The following SNAP91 variants were observed in gnomAD, a reference collection of about 807,000 sequenced individuals.
SNAP91 encodes the protein synaptosome associated protein 91, also known as clathrin coat assembly protein AP180.
Under a neutral mutation model 100.3 loss-of-function variants are expected in SNAP91, and 27 were observed. The ratio of observed to expected loss-of-function variants is 0.27; its 90% confidence interval spans 0.20 to 0.37. The LOEUF is 0.37. Among genes scored for constraint, SNAP91 ranks in the 10% least tolerant of loss-of-function variants. SNAP91 has a pLI of 1.00. For missense variants in SNAP91, 986 were observed against 1,123.7 expected, an observed-to-expected ratio of 0.88 and a Z score of 1.75; for synonymous variants, 404 against 398.6, an observed-to-expected ratio of 1.01 and a Z score of -0.16.
In SNAP91 at chr6:83,575,057, C is replaced by G. The variant is rs1294685099; in HGVS notation, c.2395G>C (p.Val799Leu). The G allele has an allele frequency of 6.2e-7, 1 of 1,605,112 alleles. No homozygotes were observed. The highest frequency in any genetic ancestry group is 1.7e-5 in the Admixed American group (1 of 58,848). Residue 799 changes from valine to leucine, a missense_variant, in exon 26 of 30, where the codon GTA (valine) becomes CTA (leucine). Val to Leu is a conservative substitution (Grantham distance 32, BLOSUM62 1). Coordinates refer to ENST00000369694, the MANE Select transcript of SNAP91 (RefSeq NM_001242792.2). ...CCTGCTGACCAGGTTGCTGGAGCTA[C>G]TTTAGGCTGCCAGTTGGCTCCACCA... ...LTGGANWQPK[V>L]APATWSAGVP...
Position 83,553,757 on chromosome 6 carries a change from A to C in SNAP91, c.*539T>G, listed in dbSNP as rs1198483343. On this transcript the variant is annotated 3_prime_UTR_variant, in exon 30 of 30. Transcript: ENST00000369694. ...AGTGCCACAAAAATAAACATTTCTC[A>C]CAACAGTTGAAGTTCCTGTGATTGG... The C allele has an allele frequency of 6.6e-6, 1 of 152,190 alleles. No homozygotes were observed. Among genetic ancestry groups the C allele is most frequent in the Non-Finnish European group, 1.5e-5 (1 of 68,034 alleles). 9.4% of individuals were successfully genotyped at this position (152,190 alleles called of 1,614,324 possible).
intron 22 of SNAP91, among the ~76,000 whole-genome samples, chr6:83,590,982 C>T (rs2093663502): frequency 6.6e-6 from 1 of 152,094 alleles, no homozygotes; most frequent in African/African-American, 2.4e-5. Flanking sequence ...AGATTTGTTA[C>T]ATGGGTGTAC....
At chr6:83,626,625 A>G (rs1485767056) in intron 8 of SNAP91, among the ~76,000 whole-genome samples, 1 of 151,954 alleles carries the variant, frequency 6.6e-6, no homozygotes, top group Non-Finnish European at 1.5e-5. Flanking sequence ...GCTATTGTAA[A>G]TGGGATTGCA....
At chr6:83,570,456 G>A (rs576874262) in intron 26 of SNAP91, among the ~76,000 whole-genome samples, 12 of 151,130 alleles carry the variant, frequency 7.9e-5, no homozygotes, top group East Asian at 5.9e-4. Flanking sequence ...ACAAAGAGCC[G>A]AATGTTTATC....
At chr6:83,640,396 A>G (rs546909295) in intron 8 of SNAP91, among the ~76,000 whole-genome samples, 1 of 152,304 alleles carries the variant, frequency 6.6e-6, no homozygotes, top group Non-Finnish European at 1.5e-5. Flanking sequence ...ATCAGTTCCT[A>G]GTAATCAGTT....
In SNAP91 at chr6:83,556,132, A is replaced by G. The variant is rs1777538952; in HGVS notation, c.*10+11T>C. ...ATTACAAGCCTACAGGAAAAGCTCAATATTAGATACCTTAAATTGTTTACA... is the reference window on the plus strand; with the variant it reads ...ATTACAAGCCTACAGGAAAAGCTCAGTATTAGATACCTTAAATTGTTTACA... On this transcript the variant is annotated intron_variant, in intron 29 of 29. Transcript: ENST00000369694. 8 of 1,449,594 alleles carry G rather than the reference A, an allele frequency of 5.5e-6. No homozygotes were observed. Among genetic ancestry groups the G allele is most frequent in the Non-Finnish European group, 7.6e-6 (8 of 1,053,872 alleles). The allele number at this position is 1,449,594 out of a possible 1,614,324, so 89.8% of individuals were successfully genotyped here.
chr6:83,595,977 ACAGGACAT>A (rs1358887032), intron 16 of SNAP91, among the ~76,000 whole-genome samples: 7 of 152,242 alleles, frequency 4.6e-5, no homozygotes, highest in African/African-American at 1.7e-4. Flanking sequence ...AGAAGGGACA[ACAGGACAT>A]CAGTTATTCA....
At chr6:83,651,123 T>C (rs2098185127) in intron 7 of SNAP91, among the ~76,000 whole-genome samples, 3 of 152,030 alleles carry the variant, frequency 2.0e-5, no homozygotes, top group Admixed American at 2.0e-4. Context: ...ATTTCTGTTA[T>C]CAGTAATTTG....
chr6:83,594,722 G>C (rs1038678411), intron 16 of SNAP91, among the ~76,000 whole-genome samples: 4 of 151,436 alleles, frequency 2.6e-5, no homozygotes, highest in African/African-American at 9.7e-5. Context: ...GGATCCAAAA[G>C]GTAATGAGAT....
At position 83,630,302 on chromosome 6, in the gene SNAP91, T is replaced by C. The variant is rs150382800; in HGVS notation, c.766-6960A>G. Among the ~76,000 whole-genome samples, 1,237 of 152,120 alleles carry C rather than the reference T, an allele frequency of 8.1e-3. 14 individuals carry two copies. Among genetic ancestry groups the C allele is most frequent in the African/African-American group, 0.028 (1,153 of 41,516 alleles). ...TATGTTAATCAGAAATATTGGTCTG[T>C]AGTTTTCTTTTTTGGTTATGTCCTT... is the stretch of plus-strand genomic sequence containing the variant. On this transcript the variant is annotated intron_variant, in intron 8 of 29. Coordinates refer to ENST00000369694, the MANE Select transcript of SNAP91 (RefSeq NM_001242792.2).
intron 14 of SNAP91, 123 bp from the exon 15 acceptor site, chr6:83,601,722 C>T (rs2095249495): frequency 1.5e-5 from 13 of 842,500 alleles, no homozygotes; most frequent in Admixed American, 1.5e-4. Context: ...TATGTGTCTT[C>T]TACACCATTT....
At chr6:83,697,355 C>CACAT (rs770367552) in intron 2 of SNAP91, among the ~76,000 whole-genome samples, 100 of 150,632 alleles carry the variant, frequency 6.6e-4, no homozygotes, top group Non-Finnish European at 1.2e-3. Context: ...CACACACACA[C>CACAT]ACACACACAC....
At chr6:83,593,040 A>G in intron 19 of SNAP91, 23 bp from the exon 20 acceptor site, 1 of 1,564,120 alleles carries the variant, frequency 6.4e-7, no homozygotes, top group Non-Finnish European at 8.7e-7. Context: ...AAACAAACCA[A>G]AACCAAGCAG....
At chr6:83,665,410 T>C (rs369727510) in intron 3 of SNAP91, 29 bp downstream of exon 3, 3 of 1,600,446 alleles carry the variant, frequency 1.9e-6, no homozygotes, top group Non-Finnish European at 2.6e-6. Flanking sequence ...CCTTCCTCCA[T>C]CAAAAAAAGA....
chr6:83,618,902 GA>G lies in SNAP91; in HGVS notation c.808-1864del, dbSNP rs144936676. On this transcript the variant is annotated intron_variant, in intron 9 of 29. Coordinates refer to ENST00000369694, the MANE Select transcript of SNAP91 (RefSeq NM_001242792.2). Reference sequence around the variant, plus strand: ...AACCTAAGTTTAAAACATGGTCTAAGAAAAATGCTATTTTTAGTCACAAAAT... The same window carrying G: ...AACCTAAGTTTAAAACATGGTCTAAGAAAATGCTATTTTTAGTCACAAAAT... 3.1e-3 allele frequency among the ~76,000 whole-genome samples: 464 copies of G among 151,940 alleles called. 2 individuals carry two copies. The highest frequency in any genetic ancestry group is 0.011 in the African/African-American group (436 of 41,498).
intron 22 of SNAP91, among the ~76,000 whole-genome samples, chr6:83,584,790 T>C (rs1446855945): frequency 6.6e-6 from 1 of 152,146 alleles, no homozygotes; most frequent in East Asian, 1.9e-4. Flanking sequence ...TAAGGTCATA[T>C]GAAAGCAAAT....
intron 26 of SNAP91, among the ~76,000 whole-genome samples, chr6:83,571,951 A>T (rs1460287939): frequency 6.6e-6 from 1 of 151,894 alleles, no homozygotes; most frequent in African/African-American, 2.4e-5. Flanking sequence ...AATAAGGGGG[A>T]GTTTCCCTGC....
At chr6:83,599,071 C>T (rs947400871) in intron 16 of SNAP91, among the ~76,000 whole-genome samples, 1 of 152,154 alleles carries the variant, frequency 6.6e-6, no homozygotes, top group African/African-American at 2.4e-5. Context: ...TGATTCTCTG[C>T]AGTACTCATC....
At chr6:83,592,294 T>C (rs1016092390) in intron 21 of SNAP91, among the ~76,000 whole-genome samples, 161 bp downstream of exon 21, 1 of 152,062 alleles carries the variant, frequency 6.6e-6, no homozygotes, top group Admixed American at 6.6e-5. Context: ...AAGATGATGA[T>C]GACGAAGAAA....
Sources: allele counts gnomAD v4.1 joint callset (sites outside exome capture counted in the v4.1 genomes callset), GRCh38; gene constraint gnomAD v4.1.1; transcripts MANE v1.5; gene names NCBI Gene and HGNC (gene_info 2026-07-23, HGNC 2026-07-21).